DOCK4: variants seen among roughly 807,000 people sequenced by gnomAD.
DOCK4 encodes the protein dedicator of cytokinesis protein 4.
In DOCK4, 97 loss-of-function variants were observed where a neutral mutation model predicts 268.1. That is an observed-to-expected ratio of 0.36 (90% CI 0.31 to 0.43). The LOEUF (loss-of-function observed/expected upper bound fraction) is 0.43, where lower values mean the gene tolerates loss of function less well. Ranked by LOEUF, DOCK4 falls within the 20% of genes least tolerant of loss-of-function variation. DOCK4 has a pLI of 1.00. For missense variants in DOCK4, 2,145 were observed against 2,455.7 expected (o/e 0.87, Z 2.67); for synonymous variants, 954 against 887.2 (o/e 1.08, Z -1.34).
intron 36 of DOCK4, among the ~76,000 whole-genome samples, chr7:111,773,042 T>C (rs1798222283): frequency 6.6e-6 from 1 of 152,174 alleles, no homozygotes; most frequent in African/African-American, 2.4e-5. Context: ...CAGAATTTGA[T>C]TTGGGAAAAT....
At chr7:112,140,140 C>G (rs1387159397) in intron 1 of DOCK4, among the ~76,000 whole-genome samples, 1 of 151,894 alleles carries the variant, frequency 6.6e-6, no homozygotes, top group Non-Finnish European at 1.5e-5. Context: ...CGATCTAGTC[C>G]GAGAATAAAA....
At chr7:112,018,143 CAAAAA>C (rs140883588) in intron 1 of DOCK4, among the ~76,000 whole-genome samples, 608 of 20,562 alleles carry the variant, frequency 0.03, 114 homozygotes, top group Middle Eastern at 0.14. Flanking sequence ...GACTCCAGCT[CAAAAA>C]AAAAAAAAAA....
At chr7:111,845,771 G>A (rs985196984) in intron 24 of DOCK4, among the ~76,000 whole-genome samples, 4 of 152,160 alleles carry the variant, frequency 2.6e-5, no homozygotes, top group Non-Finnish European at 5.9e-5. Flanking sequence ...CAGAAGTTGT[G>A]GAGGTGATTT....
At chr7:111,976,820 G>A (rs1798241886) in intron 8 of DOCK4, 1 of 193,428 alleles carries the variant, frequency 5.2e-6, no homozygotes, top group African/African-American at 2.3e-5. Flanking sequence ...CAGAGAATCT[G>A]TATCTTCTTT....
At chr7:111,863,191 A>C (rs1432850077) in intron 23 of DOCK4, 181 bp downstream of exon 23, 1 of 638,712 alleles carries the variant, frequency 1.6e-6, no homozygotes, top group Non-Finnish European at 2.7e-6. Context: ...TTCCAGAAAT[A>C]AAGTTTTAAT....
intron 1 of DOCK4, among the ~76,000 whole-genome samples, chr7:112,125,796 C>T (rs977221258): frequency 2.2e-4 from 34 of 152,066 alleles, no homozygotes; most frequent in Non-Finnish European, 3.2e-4. Context: ...GCAGGCTCAT[C>T]ATCACTATTT....
chr7:112,190,037 G>T (rs1027608019), intron 1 of DOCK4, among the ~76,000 whole-genome samples: 6 of 152,050 alleles, frequency 3.9e-5, no homozygotes, highest in African/African-American at 7.2e-5. Context: ...TCGGGGGGTT[G>T]CCAGGCCCCA....
At position 111,933,299 on chromosome 7, in the gene DOCK4, T is replaced by TATA. The variant is rs1491402521; in HGVS notation, c.1066+2240_1066+2241insTAT. Among the ~76,000 whole-genome samples the TATA allele has an allele frequency of 9.4e-3, 665 of 71,106 alleles. 23 individuals carry two copies. Among genetic ancestry groups the TATA allele is most frequent in the Middle Eastern group, 0.03 (4 of 134 alleles). The allele number at this position is 71,106 out of a possible 152,430, so 46.6% of individuals were successfully genotyped here. ...ATATACATATATATATATATATATA[T>TATA]TTTTTTTTTTTTTTGAGATGGAGTC... On this transcript the variant is annotated intron_variant, in intron 12 of 52. Transcript: ENST00000428084.
At chr7:112,087,556 G>A (rs1341107892) in intron 1 of DOCK4, among the ~76,000 whole-genome samples, 1 of 151,930 alleles carries the variant, frequency 6.6e-6, no homozygotes, top group Non-Finnish European at 1.5e-5. Flanking sequence ...AGTATAAAGT[G>A]TCAAAAACAA....
intron 8 of DOCK4, among the ~76,000 whole-genome samples, chr7:111,951,336 T>C (rs373353403): frequency 3.6e-4 from 55 of 152,306 alleles, no homozygotes; most frequent in African/African-American, 1.3e-3. Context: ...GAAACCACTG[T>C]TGTGCCCATT....
chr7:111,924,011 A>C (rs1344124900), intron 12 of DOCK4, among the ~76,000 whole-genome samples: 1 of 152,228 alleles, frequency 6.6e-6, no homozygotes, highest in Non-Finnish European at 1.5e-5. Flanking sequence ...CATTGTCAAA[A>C]ACTGTATACC....
At chr7:111,939,176 A>G (rs1729315779) in intron 11 of DOCK4, among the ~76,000 whole-genome samples, 1 of 151,840 alleles carries the variant, frequency 6.6e-6, no homozygotes, top group African/African-American at 2.4e-5. Context: ...AACTATACTA[A>G]TATCTTCATC....
intron 42 of DOCK4, among the ~76,000 whole-genome samples, chr7:111,751,348 A>AACTT (rs1585872045): frequency 6.6e-6 from 1 of 152,228 alleles, no homozygotes; most frequent in South Asian, 2.1e-4. Context: ...TGCAAGGGGA[A>AACTT]ACTTACAGAT....
At chr7:111,897,856 G>C (rs1808890665) in intron 15 of DOCK4, among the ~76,000 whole-genome samples, 1 of 152,118 alleles carries the variant, frequency 6.6e-6, no homozygotes, top group Admixed American at 6.5e-5. Flanking sequence ...TCTCCCTGTT[G>C]TCTTCCCCAC....
chr7:111,912,235 G>T (rs935191064), intron 13 of DOCK4, among the ~76,000 whole-genome samples: 1 of 152,150 alleles, frequency 6.6e-6, no homozygotes, highest in Admixed American at 6.5e-5. Flanking sequence ...TTACACATGG[G>T]ATTTAAACAG....
Position 111,735,858 on chromosome 7 carries a change from CAG to C in DOCK4, c.5306-693_5306-692del, listed in dbSNP as rs149363070. Among the ~76,000 whole-genome samples, 305 of 152,338 alleles carry C rather than the reference CAG, an allele frequency of 2.0e-3. 1 individual carries two copies. Among genetic ancestry groups the C allele is most frequent in the Non-Finnish European group, 3.2e-3 (217 of 68,042 alleles). On this transcript the variant is annotated intron_variant, in intron 50 of 52. Transcript: ENST00000428084. ...GGGTTCCAGTGACTCACTCCCTGTA[CAG>C]ACACTGCCATCTGGTGGGCATGTTG...
chr7:111,984,196 T>C, intron 7 of DOCK4, 110 bp downstream of exon 7: 1 of 998,460 alleles, frequency 1.0e-6, no homozygotes, highest in Admixed American at 2.6e-5. Flanking sequence ...TTACTCTCTC[T>C]AAATTAATCC....
intron 42 of DOCK4, among the ~76,000 whole-genome samples, 191 bp from the exon 43 acceptor site, chr7:111,747,634 G>T (rs561768041): frequency 6.6e-6 from 1 of 152,306 alleles, no homozygotes; most frequent in African/African-American, 2.4e-5. Flanking sequence ...GGTTTGGAAA[G>T]GGCAGGTAAT....
intron 29 of DOCK4, among the ~76,000 whole-genome samples, 187 bp from the exon 30 acceptor site, chr7:111,809,066 T>C (rs1800882510): frequency 6.6e-6 from 1 of 152,236 alleles, no homozygotes; most frequent in Non-Finnish European, 1.5e-5. Context: ...AAAAGAGATC[T>C]GTTTCATAAT....
Sources: gnomAD v4.1 joint callset for allele counts (sites outside exome capture counted in the v4.1 genomes callset) on GRCh38, gnomAD v4.1.1 for gene constraint, MANE v1.5 for transcripts, NCBI Gene and HGNC (gene_info 2026-07-23, HGNC 2026-07-21) for gene names.